SEMA3G: variants seen among roughly 807,000 people sequenced by gnomAD.
SEMA3G encodes semaphorin 3G.
Under a neutral mutation model 86.2 loss-of-function variants are expected in SEMA3G, and 70 were observed. The ratio of observed to expected loss-of-function variants is 0.81; its 90% CI spans 0.67 to 0.99. The LOEUF is 0.99. SEMA3G is among the 50% of genes least tolerant of loss of function. The pLI is 0.00. For synonymous variants in SEMA3G, 416 were observed against 441.4 expected (o/e 0.94, Z 0.72); for missense variants, 1,002 against 1,072.4 (o/e 0.93, Z 0.92).
rs1378398308 is a variant in SEMA3G, at chr3:52,441,000, G to A, written c.862C>T (p.Leu288Phe). 1.9e-6 allele frequency: 3 copies of A among 1,605,364 alleles called. No individual in the cohort carries two copies. Among genetic ancestry groups the A allele is most frequent in the Admixed American group, 1.7e-5 (1 of 59,946 alleles). The change falls in exon 8 of 16, where the codon CTC becomes TTC. Residue 288 changes from leucine to phenylalanine, a missense_variant. Leu to Phe is a conservative substitution (Grantham distance 22). Coordinates refer to ENST00000231721, the MANE Select transcript of SEMA3G (RefSeq NM_020163.3). Reference sequence around the variant, plus strand: ...ACCGAGCAGACCAGCCTGGCCTTGAGGAAAGTGCTCCATTTGTTCACCAGC... The same window carrying A: ...ACCGAGCAGACCAGCCTGGCCTTGAAGAAAGTGCTCCATTTGTTCACCAGC... ...RVLVNKWSTF[L>F]KARLVCSVPG...
intron 1 of SEMA3G, 172 bp from the exon 2 acceptor site, chr3:52,443,079 G>A (rs761704866): frequency 6.5e-7 from 1 of 1,529,272 alleles, no homozygotes; most frequent in Admixed American, 2.0e-5. Flanking sequence ...CCTGGGGACA[G>A]GTGGGACGGG....
intron 15 of SEMA3G, among the ~76,000 whole-genome samples, chr3:52,436,661 C>G (rs958283175): frequency 6.6e-6 from 1 of 152,272 alleles, no homozygotes; most frequent in African/African-American, 2.4e-5. Flanking sequence ...TCGCCCATCA[C>G]AGCGTGGGAA....
intron 1 of SEMA3G, among the ~76,000 whole-genome samples, chr3:52,443,998 T>A (rs916731847): frequency 1.3e-5 from 2 of 151,996 alleles, no homozygotes; most frequent in African/African-American, 4.8e-5. Context: ...CAGGCTGGGA[T>A]GTGCAAAAAG....
Position 52,441,419 on chromosome 3 carries a change from T to G in SEMA3G, c.668-10A>C. On this transcript the variant is annotated splice_polypyrimidine_tract_variant and intron_variant, in intron 6 of 15. Coordinates refer to ENST00000231721, the MANE Select transcript of SEMA3G (RefSeq NM_020163.3). ...ATCACAAACCGGGGGTCTGGAAGGG[T>G]GACAGGGTCATGCTGGGTGGAGGGG... is the stretch of plus-strand genomic sequence containing the variant. 1.9e-6 allele frequency: 3 copies of G among 1,612,078 alleles called. No individual in the cohort carries two copies. Among genetic ancestry groups the G allele is most frequent in the Non-Finnish European group, 2.5e-6 (3 of 1,179,146 alleles).
intron 6 of SEMA3G, 45 bp from the exon 7 acceptor site, chr3:52,441,454 G>C: frequency 6.2e-7 from 1 of 1,606,792 alleles, no homozygotes; most frequent in South Asian, 1.1e-5. Context: ...GCCCCACAGG[G>C]GAGGATGGGA....
chr3:52,443,393 GA>G (rs1706199027), intron 1 of SEMA3G, among the ~76,000 whole-genome samples: 1 of 152,176 alleles, frequency 6.6e-6, no homozygotes, highest in African/African-American at 2.4e-5. Flanking sequence ...GTATGGCCGG[GA>G]AGGGCTCCCA....
In SEMA3G at chr3:52,440,442, G is replaced by A. The variant is rs778019011; in HGVS notation, c.1078C>T (p.Arg360Ter). ...CCCCACTGGTGCTGAGGCCCATCTC[G>A]GTGGGCAAAGGGCCCGTTGAAAACC... ...WEVFNGPFAH[R>*]DGPQHQWGPY... The change falls in exon 10 of 16, where the codon CGA (arginine) becomes TGA (stop). Residue 360 changes from arginine to a stop codon, truncating the protein, a stop_gained. Transcript: ENST00000231721. LOFTEE classifies it high-confidence loss of function. 30 of 1,610,324 alleles carry A rather than the reference G, an allele frequency of 1.9e-5. No individual in the cohort carries two copies. Among genetic ancestry groups the A allele is most frequent in the South Asian group, 3.3e-5 (3 of 90,436 alleles).
At chr3:52,437,720 G>C in intron 14 of SEMA3G, 54 bp from the exon 15 acceptor site, 1 of 1,573,674 alleles carries the variant, frequency 6.4e-7, no homozygotes, top group South Asian at 1.1e-5. Context: ...CCAGATCCCA[G>C]TGCCACCACC....
intron 10 of SEMA3G, 68 bp downstream of exon 10, chr3:52,440,309 C>T (rs1490857759): frequency 1.3e-6 from 2 of 1,490,384 alleles, no homozygotes; most frequent in East Asian, 2.3e-5. Context: ...CATGAGGCCA[C>T]TCCAAGGAGC....
In SEMA3G at chr3:52,437,637, T is replaced by C. The variant is rs1042372476; in HGVS notation, c.1768A>G (p.Met590Val). 6 of 1,612,186 alleles carry C rather than the reference T, an allele frequency of 3.7e-6. No individual in the cohort carries two copies. In the African/African-American group the frequency reaches 8.0e-5, roughly 22 times the overall value. Reference sequence around the variant, plus strand: ...CTATTGTGCTCCGTGCCGTAGACCATGGTGGCTGCCACAAGTCCCACTGCC... The same window carrying C: ...CTATTGTGCTCCGTGCCGTAGACCACGGTGGCTGCCACAAGTCCCACTGCC... Reference protein sequence around the residue: ...EEAVGLVAATMVYGTEHNSTF... With the variant: ...EEAVGLVAATVVYGTEHNSTF... Residue 590 changes from methionine to valine, a missense_variant, in exon 15 of 16, where the codon ATG becomes GTG. Transcript: ENST00000231721.
At chr3:52,438,405 AACCAAG>A (rs1706088604) in intron 13 of SEMA3G, 2 of 984,276 alleles carry the variant, frequency 2.0e-6, no homozygotes, top group Non-Finnish European at 2.4e-6. Flanking sequence ...GATGGAGGAG[AACCAAG>A]ACCTGGGATG....
At position 52,435,908 on chromosome 3, in the gene SEMA3G, G is replaced by T; in HGVS notation, c.2044C>A (p.Leu682Met). The stretch of plus-strand genomic sequence containing the variant: ...TCTGGCTTTGGCTCCGGAGGGAACA[G>T]GTTGTCCAGCTGTGAGGCCACAATC... ...VVIVASQLDN[L>M]FPPEPKPEEP... The change falls in exon 16 of 16, where the codon CTG becomes ATG. Residue 682 changes from leucine (L) to methionine (M), a missense_variant. Leu to Met is a conservative substitution (Grantham distance 15). Transcript: ENST00000231721. The T allele has an allele frequency of 1.2e-6, 2 of 1,614,026 alleles. No individual in the cohort carries two copies. Among genetic ancestry groups the T allele is most frequent in the Non-Finnish European group, 1.7e-6 (2 of 1,180,026 alleles).
At position 52,441,403 on chromosome 3, in the gene SEMA3G, C is replaced by CG; in HGVS notation, c.673dup (p.Arg225ProfsTer10). 4 of 1,613,398 alleles carry CG rather than the reference C, an allele frequency of 2.5e-6. No individual in the cohort carries two copies. On this transcript the variant is annotated frameshift_variant, in exon 7 of 16. Transcript: ENST00000231721. LOFTEE classifies it high-confidence loss of function. Reference sequence around the variant, plus strand: ...AGGGATCCGGGCGGCCATCACAAACCGGGGGTCTGGAAGGGTGACAGGGTC... The same window carrying CG: ...AGGGATCCGGGCGGCCATCACAAACCGGGGGGTCTGGAAGGGTGACAGGGTC...
chr3:52,440,723 A>G (rs776321713), intron 9 of SEMA3G, 31 bp downstream of exon 9: 2 of 1,595,184 alleles, frequency 1.3e-6, no homozygotes, highest in South Asian at 1.1e-5. Flanking sequence ...ACAGGGGCCC[A>G]TCGCAAGGCC....
rs1225924615 is a variant in SEMA3G, at chr3:52,442,470, G to A, written c.339+89C>T. 1 of 1,487,902 alleles carries A rather than the reference G, an allele frequency of 6.7e-7. No individual in the cohort carries two copies. Among genetic ancestry groups the A allele is most frequent in the Non-Finnish European group, 9.4e-7 (1 of 1,068,512 alleles). 92.2% of individuals were successfully genotyped at this position (1,487,902 alleles called of 1,614,324 possible). Reference sequence around the variant, plus strand: ...TCAAGATCTGCTCCAAATGCCCCTGGTAGAGGTACCTGGGGCGTGGTCACG... The same window carrying A: ...TCAAGATCTGCTCCAAATGCCCCTGATAGAGGTACCTGGGGCGTGGTCACG... On this transcript the variant is annotated intron_variant, in intron 3 of 15. Transcript: ENST00000231721. This position sits in a 1 kb window ranked among gnomAD's most constrained non-coding sequence, Gnocchi z 6.1.
At position 52,435,716 on chromosome 3, in the gene SEMA3G, G is replaced by T; in HGVS notation, c.2236C>A (p.Arg746=). 1 of 1,613,984 alleles carries T rather than the reference G, an allele frequency of 6.2e-7. No individual in the cohort carries two copies. The highest frequency in any genetic ancestry group is 8.5e-7 in the Non-Finnish European group (1 of 1,179,984). ...CTCTTGCCCCTGGCCTGCTTGCCCC[G>T]GCTCCGGCTCCGGAAGCAGCCTGAG... ...ECSGCFRSRS[R]GKQARGKSWA... Residue 746 remains arginine (R), a synonymous_variant, in exon 16 of 16, where the codon CGG becomes AGG. Coordinates refer to ENST00000231721, the MANE Select transcript of SEMA3G (RefSeq NM_020163.3).
intron 13 of SEMA3G, 50 bp from the exon 14 acceptor site, chr3:52,438,249 A>T (rs1294489731): frequency 6.5e-7 from 1 of 1,529,702 alleles, no homozygotes; most frequent in South Asian, 1.2e-5. Context: ...CTTCGCCCAC[A>T]CGCAGCCAGG....
chr3:52,435,938 C>A lies in SEMA3G; in HGVS notation c.2014G>T (p.Val672Leu). 1 of 1,614,020 alleles carries A rather than the reference C, an allele frequency of 6.2e-7. No individual in the cohort carries two copies. The highest frequency in any genetic ancestry group is 8.5e-7 in the Non-Finnish European group (1 of 1,180,042). The change falls in exon 16 of 16, where the codon GTG (valine) becomes TTG (leucine). Residue 672 changes from valine to leucine, a missense_variant. By Grantham distance (32) the Val-to-Leu change is conservative. Coordinates refer to ENST00000231721, the MANE Select transcript of SEMA3G (RefSeq NM_020163.3). ...FSQTVVRLAL[V>L]VIVASQLDNL... ...TCCAGCTGTGAGGCCACAATCACCA[C>A]CAGAGCCAGGCGGACCACAGTCTGG...
intron 6 of SEMA3G, 42 bp downstream of exon 6, chr3:52,441,532 G>C: frequency 6.3e-7 from 1 of 1,590,500 alleles, no homozygotes; most frequent in Non-Finnish European, 8.6e-7. Flanking sequence ...TAGCTGGGAA[G>C]GTAGCCTCTT....
Sources: gnomAD v4.1 joint callset for allele counts (sites outside exome capture counted in the v4.1 genomes callset) on GRCh38, gnomAD v4.1.1 for gene constraint, Gnocchi (gnomAD v3.1) non-coding constraint, MANE v1.5 for transcripts, NCBI Gene and HGNC (gene_info 2026-07-23, HGNC 2026-07-21) for gene names.